Variants in LTAP1 observed in about 807,000 individuals in gnomAD.
LTAP1 encodes the protein lipid transport auxiliary protein 1, also known as HCV NS5A-transactivated protein 4.
the LTAP1 span, chr1:154,212,467 A>C: frequency 9.3e-6 from 15 of 1,614,176 alleles, no homozygotes; most frequent in Non-Finnish European, 1.3e-5. Flanking sequence ...CCCCTGTCCC[A>C]TAGCGGGCTG....
the LTAP1 span, chr1:154,213,882 G>A: frequency 3.1e-6 from 5 of 1,610,858 alleles, no homozygotes; most frequent in South Asian, 4.4e-5. Flanking sequence ...ACCCTGTCAG[G>A]TAGCCCTTAC....
the LTAP1 span, among the ~76,000 whole-genome samples, chr1:154,219,604 C>A: frequency 6.6e-6 from 1 of 152,220 alleles, no homozygotes; most frequent in Non-Finnish European, 1.5e-5. Context: ...CCAAGCCCTT[C>A]ATTCTGCAGA....
the LTAP1 span, chr1:154,207,561 G>A: frequency 1.2e-6 from 2 of 1,614,152 alleles, no homozygotes; most frequent in Non-Finnish European, 1.7e-6. Context: ...TCACCTGGAT[G>A]GTTGTTGGGG....
chr1:154,219,754 C>A, the LTAP1 span: 2 of 1,007,060 alleles, frequency 2.0e-6, no homozygotes, highest in South Asian at 1.6e-5. Context: ...GAATTAAAGT[C>A]ATCACTAAAG....
At chr1:154,218,076 T>C in the LTAP1 span, among the ~76,000 whole-genome samples, 1 of 152,186 alleles carries the variant, frequency 6.6e-6, no homozygotes, top group Non-Finnish European at 1.5e-5. Context: ...ACTACAGGTA[T>C]GAGCCACTGC....
the LTAP1 span, among the ~76,000 whole-genome samples, chr1:154,216,243 G>T: frequency 6.6e-6 from 1 of 151,988 alleles, no homozygotes; most frequent in Non-Finnish European, 1.5e-5. Context: ...GTTTTATCGT[G>T]TCACCCTAAA....
the LTAP1 span, chr1:154,220,178 G>T: frequency 1.1e-6 from 1 of 913,312 alleles, no homozygotes; most frequent in Non-Finnish European, 1.8e-6. Context: ...GGGCGGGTCG[G>T]CCCGACTAAG....
At chr1:154,211,069 T>C in the LTAP1 span, among the ~76,000 whole-genome samples, 3 of 151,808 alleles carry the variant, frequency 2.0e-5, no homozygotes, top group African/African-American at 4.8e-5. Flanking sequence ...TGCAATGGCA[T>C]GATATCGGCT....
At chr1:154,219,801 G>T in the LTAP1 span, 1 of 1,440,880 alleles carries the variant, frequency 6.9e-7, no homozygotes, top group Non-Finnish European at 9.6e-7. Context: ...AAAAGATCTG[G>T]AGAAGTATGT....
chr1:154,218,605 G>C, the LTAP1 span, among the ~76,000 whole-genome samples: 1 of 152,170 alleles, frequency 6.6e-6, no homozygotes, highest in Non-Finnish European at 1.5e-5. Context: ...ATGAGCTCTA[G>C]CTCTACAACT....
At chr1:154,211,481 C>T in the LTAP1 span, among the ~76,000 whole-genome samples, 9 of 150,482 alleles carry the variant, frequency 6.0e-5, no homozygotes, top group African/African-American at 2.0e-4. Context: ...AGATTACAGG[C>T]ACGCACCACC....
the LTAP1 span, chr1:154,207,314 A>G: frequency 4.0e-6 from 3 of 747,490 alleles, 1 homozygote; most frequent in South Asian, 5.1e-5. Context: ...AAGCTCTAAG[A>G]ACTCTGGATA....
At chr1:154,219,967 T>TA in the LTAP1 span, 1 of 1,524,414 alleles carries the variant, frequency 6.6e-7, no homozygotes, top group Non-Finnish European at 8.9e-7. Flanking sequence ...AATCCTTTAA[T>TA]AAAAAGTCAG....
At chr1:154,212,265 A>G in the LTAP1 span, 1 of 1,556,854 alleles carries the variant, frequency 6.4e-7, no homozygotes, top group South Asian at 1.1e-5. Flanking sequence ...GCACTGTGGC[A>G]ACAGTCCAAC....
At chr1:154,207,469 A>G in the LTAP1 span, 1 of 1,613,924 alleles carries the variant, frequency 6.2e-7, no homozygotes, top group African/African-American at 1.3e-5. Flanking sequence ...AGTACTCTCC[A>G]ATGTGTTATA....
At chr1:154,217,655 C>A in the LTAP1 span, among the ~76,000 whole-genome samples, 22 of 152,170 alleles carry the variant, frequency 1.4e-4, no homozygotes, top group African/African-American at 4.8e-4. Flanking sequence ...ACCTCAGCGT[C>A]CCGAGTAGTT....
At chr1:154,208,495 A>G in the LTAP1 span, 17 of 152,158 alleles carry the variant, frequency 1.1e-4, no homozygotes, top group African/African-American at 4.1e-4. Flanking sequence ...TCATACCAAA[A>G]ACAACTAGCA....
chr1:154,207,286 G>T, the LTAP1 span: 1 of 626,946 alleles, frequency 1.6e-6, no homozygotes, highest in Non-Finnish European at 2.8e-6. Flanking sequence ...AAGGGTTGGG[G>T]AATTACCCTT....
the LTAP1 span, chr1:154,219,967 T>C: frequency 1.3e-6 from 2 of 1,524,412 alleles, no homozygotes; most frequent in Admixed American, 2.1e-5. Flanking sequence ...AATCCTTTAA[T>C]AAAAAGTCAG....
Sources: gnomAD v4.1 joint callset for allele counts (sites outside exome capture counted in the v4.1 genomes callset) on GRCh38, gnomAD v4.1.1 for gene constraint, MANE v1.5 for transcripts, NCBI Gene and HGNC (gene_info 2026-07-23, HGNC 2026-07-21) for gene names.